SELENOI: variants seen among roughly 807,000 people sequenced by gnomAD.
SELENOI encodes the protein ethanolaminephosphotransferase 1.
A neutral mutation model predicts 50.7 loss-of-function variants in SELENOI; 24 were observed. The observed-to-expected ratio is 0.47, with a 90% CI of 0.34 to 0.67. The LOEUF (loss-of-function observed/expected upper bound fraction) is 0.67. SELENOI is among the 30% of genes least tolerant of loss of function. The pLI, the probability that SELENOI is intolerant of heterozygous loss-of-function variation, is 0.01. For missense variants in SELENOI, 352 were observed against 461.4 expected (o/e 0.76, Z 2.17); for synonymous variants, 155 against 170.2 (o/e 0.91, Z 0.70).
rs1678027248 is a variant in SELENOI at position 26,393,875 on chromosome 2, A to G, written c.*4772A>G. 6.6e-6 allele frequency: 1 copy of G among 152,244 alleles called. No individual in the cohort carries two copies. Among genetic ancestry groups the G allele is most frequent in the Non-Finnish European group, 1.5e-5 (1 of 68,046 alleles). The allele number at this position is 152,244 out of a possible 1,614,324, so 9.4% of individuals were successfully genotyped here. ...TGGATATTTCATGTCTGTTTGGCTAATGTCTTCTCTTGAGGAGTTTCTATG... is the reference window on the plus strand; with the variant it reads ...TGGATATTTCATGTCTGTTTGGCTAGTGTCTTCTCTTGAGGAGTTTCTATG... On this transcript the variant is annotated 3_prime_UTR_variant, in exon 10 of 10. Coordinates refer to ENST00000260585, the MANE Select transcript of SELENOI (RefSeq NM_033505.4).
chr2:26,366,201 T>C (rs1677283890), intron 3 of SELENOI, among the ~76,000 whole-genome samples: 1 of 152,146 alleles, frequency 6.6e-6, no homozygotes, highest in African/African-American at 2.4e-5. Context: ...AATAAAATGG[T>C]AATTGAAGTT....
At chr2:26,372,484 G>C (rs557854150) in intron 4 of SELENOI, among the ~76,000 whole-genome samples, 4 of 152,216 alleles carry the variant, frequency 2.6e-5, no homozygotes, top group Admixed American at 6.5e-5. Context: ...ATAGCACCAA[G>C]AATAGTGCAT....
Position 26,392,504 on chromosome 2 carries a change from G to A in SELENOI, c.*3401G>A, listed in dbSNP as rs978972254. 1 of 151,918 alleles carries A rather than the reference G, an allele frequency of 6.6e-6. No individual in the cohort carries two copies. The highest frequency in any genetic ancestry group is 1.5e-5 in the Non-Finnish European group (1 of 68,022). The allele number at this position is 151,918 out of a possible 1,614,324, so 9.4% of individuals were successfully genotyped here. A position where few individuals can be genotyped will look rare whatever the true frequency, so the allele number is the denominator to read the frequency against. On this transcript the variant is annotated 3_prime_UTR_variant, in exon 10 of 10. Coordinates refer to ENST00000260585, the MANE Select transcript of SELENOI (RefSeq NM_033505.4). ...AGCCTATTTGTAATTCTTCCTCTTC[G>A]TTCTTCACCTGGGTTTCCTCTTATC...
intron 5 of SELENOI, 43 bp from the exon 6 acceptor site, chr2:26,374,997 G>A (rs1198888573): frequency 1.5e-6 from 2 of 1,342,668 alleles, no homozygotes; most frequent in Admixed American, 3.5e-5. Flanking sequence ...GATCTTTCTA[G>A]CGTTAATGCT....
intron 5 of SELENOI, among the ~76,000 whole-genome samples, chr2:26,374,413 G>A (rs1017068042): frequency 6.6e-6 from 1 of 152,110 alleles, no homozygotes; most frequent in Admixed American, 6.6e-5. Flanking sequence ...ATCAGAAGTT[G>A]GAGTGTTTGT....
At chr2:26,350,508 C>T (rs1020826968) in intron 1 of SELENOI, among the ~76,000 whole-genome samples, 10 of 152,112 alleles carry the variant, frequency 6.6e-5, no homozygotes, top group Non-Finnish European at 1.5e-4. Flanking sequence ...CAGGGGCCAC[C>T]GTGCCTGGCC....
intron 9 of SELENOI, among the ~76,000 whole-genome samples, chr2:26,388,706 T>C (rs1490440328): frequency 6.6e-6 from 1 of 152,160 alleles, no homozygotes; most frequent in South Asian, 2.1e-4. Context: ...GATTACTTGA[T>C]CTAGATGCTA....
At chr2:26,355,627 AC>A (rs1677047431) in intron 1 of SELENOI, among the ~76,000 whole-genome samples, 1 of 148,484 alleles carries the variant, frequency 6.7e-6, no homozygotes, top group African/African-American at 2.5e-5. Context: ...TCCTATTGCC[AC>A]CCTCCTCTCT....
chr2:26,382,339 C>T (rs571570634), intron 6 of SELENOI, among the ~76,000 whole-genome samples: 1 of 152,214 alleles, frequency 6.6e-6, no homozygotes, highest in Non-Finnish European at 1.5e-5. Context: ...CTAGCGGAAA[C>T]ATAGGGAGAA....
chr2:26,358,722 GA>G (rs971043809), intron 1 of SELENOI, among the ~76,000 whole-genome samples: 1 of 152,180 alleles, frequency 6.6e-6, no homozygotes, highest in Non-Finnish European at 1.5e-5. Flanking sequence ...TTAGCAAGAT[GA>G]AATGTTAAAA....
rs6739625 is a variant in SELENOI at position 26,393,034 on chromosome 2, G to C, written c.*3931G>C. 1 of 152,468 alleles carries C rather than the reference G, an allele frequency of 6.6e-6. No individual in the cohort carries two copies. Among genetic ancestry groups the C allele is most frequent in the Admixed American group, 6.5e-5 (1 of 15,284 alleles). The allele number at this position is 152,468 out of a possible 1,614,324, so 9.4% of individuals were successfully genotyped here. ...GGTGTTAAATCTCTGAAACTTGAAC[G>C]TATGATGCTCTGGACATTTTAGGAA... On this transcript the variant is annotated 3_prime_UTR_variant, in exon 10 of 10. Transcript: ENST00000260585.
chr2:26,369,467 A>C (rs1472734648), intron 4 of SELENOI, among the ~76,000 whole-genome samples: 1 of 152,208 alleles, frequency 6.6e-6, no homozygotes, highest in African/African-American at 2.4e-5. Context: ...TACCCAGAAT[A>C]GAAACTGGAG....
At chr2:26,374,139 A>T (rs1302845087) in intron 5 of SELENOI, among the ~76,000 whole-genome samples, 1 of 152,254 alleles carries the variant, frequency 6.6e-6, no homozygotes, top group African/African-American at 2.4e-5. Context: ...TCCTTTAAAA[A>T]AACAATCACA....
chr2:26,393,035 T>G lies in SELENOI; in HGVS notation c.*3932T>G, dbSNP rs1204356919. 4 of 152,666 alleles carry G rather than the reference T, an allele frequency of 2.6e-5. No homozygotes were observed. Among genetic ancestry groups the G allele is most frequent in the Non-Finnish European group, 4.4e-5 (3 of 68,046 alleles). 9.5% of individuals were successfully genotyped at this position (152,666 alleles called of 1,614,324 possible). On this transcript the variant is annotated 3_prime_UTR_variant, in exon 10 of 10. Coordinates refer to ENST00000260585, the MANE Select transcript of SELENOI (RefSeq NM_033505.4). ...GTGTTAAATCTCTGAAACTTGAACG[T>G]ATGATGCTCTGGACATTTTAGGAAG...
At chr2:26,370,932 A>C (rs1486316330) in intron 4 of SELENOI, among the ~76,000 whole-genome samples, 2 of 63,122 alleles carry the variant, frequency 3.2e-5, no homozygotes, top group African/African-American at 1.1e-4. Context: ...CGGGGGGCTG[A>C]CCCCCCCACC....
At chr2:26,362,259 C>T (rs1021459421) in intron 1 of SELENOI, among the ~76,000 whole-genome samples, 5 of 151,944 alleles carry the variant, frequency 3.3e-5, no homozygotes, top group African/African-American at 4.8e-5. Flanking sequence ...TTAGTAGAGA[C>T]GGGGTTTCAC....
At chr2:26,372,079 A>G (rs999962135) in intron 4 of SELENOI, among the ~76,000 whole-genome samples, 1 of 151,612 alleles carries the variant, frequency 6.6e-6, no homozygotes, top group East Asian at 1.9e-4. Context: ...ATGGTTTGTG[A>G]TATACCATAC....
At chr2:26,376,711 C>T (rs1677574784) in intron 6 of SELENOI, among the ~76,000 whole-genome samples, 1 of 152,182 alleles carries the variant, frequency 6.6e-6, no homozygotes, top group South Asian at 2.1e-4. Context: ...GTGTTCTTTC[C>T]CAGAAGTTTG....
Position 26,359,737 on chromosome 2 carries a change from A to G in SELENOI, c.58-4565A>G, listed in dbSNP as rs78726396. ...AGGGGAGGATTTTGTTAGTGTATAGAAAAATTGTTTTAACTTTGAATTGGG... is the reference window on the plus strand; with the variant it reads ...AGGGGAGGATTTTGTTAGTGTATAGGAAAATTGTTTTAACTTTGAATTGGG... On this transcript the variant is annotated intron_variant, in intron 1 of 9. Transcript: ENST00000260585. 9.6e-3 allele frequency among the ~76,000 whole-genome samples: 1,466 copies of G among 152,294 alleles called. 10 individuals are homozygous for G. Among genetic ancestry groups the G allele is most frequent in the Non-Finnish European group, 0.016 (1,055 of 68,022 alleles).
Sources: gnomAD v4.1 joint callset for allele counts (sites outside exome capture counted in the v4.1 genomes callset) on GRCh38, gnomAD v4.1.1 for gene constraint, MANE v1.5 for transcripts, NCBI Gene and HGNC (gene_info 2026-07-23, HGNC 2026-07-21) for gene names.